The following PLEKHG6 variants were observed in gnomAD, a reference collection of about 807,000 sequenced individuals.
The protein encoded by PLEKHG6 is pleckstrin homology domain-containing family G member 6.
Under a neutral mutation model 97.5 loss-of-function variants are expected in PLEKHG6, and 91 were observed. The observed-to-expected ratio is 0.93, with a 90% CI of 0.79 to 1.11. PLEKHG6 has a LOEUF of 1.11. Ranked by LOEUF, PLEKHG6 falls within the 50% of genes most tolerant of loss-of-function variation. PLEKHG6 has a pLI of 0.00. For missense variants in PLEKHG6, 1,044 were observed against 1,031.0 expected (o/e 1.01, Z -0.17); for synonymous variants, 466 against 425.5 (o/e 1.10, Z -1.17).
Position 6,326,455 on chromosome 12 carries a change from G to A in PLEKHG6, c.1552G>A (p.Glu518Lys), listed in dbSNP as rs968769889. 1.2e-5 allele frequency: 19 copies of A among 1,613,836 alleles called. No homozygotes were observed. Among genetic ancestry groups the A allele is most frequent in the Non-Finnish European group, 1.6e-5 (19 of 1,179,868 alleles). Residue 518 changes from glutamate to lysine, a missense_variant, in exon 14 of 16, where the codon GAG becomes AAG. Transcript: ENST00000684764. The part of the protein sequence containing the change: ...QAALQKLKAE[E>K]YVQQKRELLT... ...CGCCCTACAGAAGCTGAAGGCAGAG[G>A]AGTATGTTCAACAGAAGAGGGAGCT...
At chr12:6,319,437 G>T in intron 13 of PLEKHG6, 1 of 1,146,262 alleles carries the variant, frequency 8.7e-7, no homozygotes, top group South Asian at 1.7e-5. Flanking sequence ...GACAGAGTGA[G>T]ACCCTGAAGA....
In PLEKHG6 at chr12:6,316,173, TA is replaced by T. The variant is rs1367644835; in HGVS notation, c.607-80del. 55 of 1,376,266 alleles carry T rather than the reference TA, an allele frequency of 4.0e-5. No individual in the cohort carries two copies. Among genetic ancestry groups the T allele is most frequent in the Admixed American group, 7.7e-5 (3 of 38,818 alleles). The allele number at this position is 1,376,266 out of a possible 1,614,324, so 85.3% of individuals were successfully genotyped here. A position where few individuals can be genotyped will look rare whatever the true frequency, so the allele number is the denominator to read the frequency against. ...CACCCCCGCCCCTGCTGTCCAAGCT[TA>T]AGGTCCTCACCTTTCCTCAGCCAGT... On this transcript the variant is annotated intron_variant, in intron 6 of 15. Coordinates refer to ENST00000684764, the MANE Select transcript of PLEKHG6 (RefSeq NM_001384598.1). This position sits in a 1 kb window ranked among gnomAD's most constrained non-coding sequence, Gnocchi z 4.1.
intron 13 of PLEKHG6, chr12:6,319,376 A>G (rs1947621609): frequency 4.4e-6 from 3 of 686,928 alleles, no homozygotes; most frequent in Admixed American, 3.0e-5. Flanking sequence ...TGAGCCCGGG[A>G]AGTGGAGGTT....
Position 6,317,964 on chromosome 12 carries a change from G to T in PLEKHG6, c.1125G>T (p.Val375=). The stretch of plus-strand genomic sequence containing the variant: ...CACAACGCATCGGGCCCTACGAGGT[G>T]CTGGAGCCACCCAGTGATGAGGTGG... ...AAAQRIGPYE[V]LEPPSDEVEK... The change falls in exon 10 of 16, where the codon GTG becomes GTT. Residue 375 remains valine (V), a synonymous_variant. Transcript: ENST00000684764. 6.3e-7 allele frequency: 1 copy of T among 1,589,012 alleles called. No homozygotes were observed. Among genetic ancestry groups the T allele is most frequent in the Admixed American group, 1.8e-5 (1 of 55,226 alleles).
rs1186412463 is a variant in PLEKHG6 at position 6,315,292 on chromosome 12, T to C, written c.459+123T>C. The C allele has an allele frequency of 9.8e-7, 1 of 1,022,460 alleles. No individual in the cohort carries two copies. Among genetic ancestry groups the C allele is most frequent in the Non-Finnish European group, 1.4e-6 (1 of 710,888 alleles). 63.3% of individuals were successfully genotyped at this position (1,022,460 alleles called of 1,614,324 possible). On this transcript the variant is annotated intron_variant, in intron 4 of 15. Transcript: ENST00000684764. This position sits in a 1 kb window ranked among gnomAD's most constrained non-coding sequence, Gnocchi z 4.5. ...TGTGGAAAAAACATCTGGAAACGCG[T>C]TGATCTGGGTTCAGATCCCAGCTCT...
At position 6,317,909 on chromosome 12, in the gene PLEKHG6, G is replaced by T. The variant is rs71584814; in HGVS notation, c.1070G>T (p.Gly357Val). ...LRHINGQVRQ[G>V]EEQESLAAAA... ...CACATCAATGGGCAGGTCCGCCAGG[G>T]CGAAGAGCAAGAGAGCTTGGCGGCT... is the stretch of plus-strand genomic sequence containing the variant. The change falls in exon 10 of 16, where the codon GGC becomes GTC. Residue 357 changes from glycine (G) to valine (V), a missense_variant. Coordinates refer to ENST00000684764, the MANE Select transcript of PLEKHG6 (RefSeq NM_001384598.1). The T allele has an allele frequency of 9.4e-4, 1,476 of 1,562,466 alleles. 16 individuals carry two copies. In the Middle Eastern group the frequency reaches 0.014, roughly 15 times the overall value.
At chr12:6,320,045 C>T (rs1346831634) in intron 13 of PLEKHG6, among the ~76,000 whole-genome samples, 2 of 152,108 alleles carry the variant, frequency 1.3e-5, no homozygotes, top group Admixed American at 6.5e-5. Flanking sequence ...CGTGCAAAGG[C>T]GGGAACTGTG....
At chr12:6,322,456 C>G (rs956984424) in intron 13 of PLEKHG6, among the ~76,000 whole-genome samples, 2 of 152,164 alleles carry the variant, frequency 1.3e-5, no homozygotes, top group Non-Finnish European at 2.9e-5. Flanking sequence ...CTGCCCTGTC[C>G]CCTGCTTCCG....
rs200306903 is a variant in PLEKHG6 at position 6,319,053 on chromosome 12, A to T, written c.1469A>T (p.His490Leu). ...TGTGTCTCCAGCGCCCTCCTTGTGC[A>T]CTGTCCCAGTCCTACAGACCGTGCC... ...FQCVSSALLV[H>L]CPSPTDRAQW... is the part of the protein sequence containing the mutation. The change falls in exon 13 of 16, where the codon CAC becomes CTC. Residue 490 changes from histidine (H) to leucine (L), a missense_variant. Physicochemically the swap from His to Leu is moderately conservative, Grantham distance 99. Coordinates refer to ENST00000684764, the MANE Select transcript of PLEKHG6 (RefSeq NM_001384598.1). 1 of 1,613,966 alleles carries T rather than the reference A, an allele frequency of 6.2e-7. No individual in the cohort carries two copies. The highest frequency in any genetic ancestry group is 1.1e-5 in the South Asian group (1 of 91,038).
intron 9 of PLEKHG6, 56 bp from the exon 10 acceptor site, chr12:6,317,801 T>C (rs1947533651): frequency 6.5e-7 from 1 of 1,544,858 alleles, no homozygotes; most frequent in East Asian, 2.4e-5. Flanking sequence ...TGGCTGGCAT[T>C]GGTTGGGAGG....
At position 6,316,678 on chromosome 12, in the gene PLEKHG6, G is replaced by C. The variant is rs1461393408; in HGVS notation, c.756+274G>C. Among the ~76,000 whole-genome samples the C allele has an allele frequency of 2.0e-4, 31 of 152,018 alleles. No individual in the cohort carries two copies. Among genetic ancestry groups the C allele is most frequent in the Non-Finnish European group, 5.9e-5 (4 of 67,992 alleles). ...TTGGCTCCCATCAACTACAAAAGCT[G>C]GGTGCAGCAAATGAGGCCTAAGTGA... On this transcript the variant is annotated intron_variant, in intron 7 of 15. Coordinates refer to ENST00000684764, the MANE Select transcript of PLEKHG6 (RefSeq NM_001384598.1). This position sits in a 1 kb window ranked among gnomAD's most constrained non-coding sequence, Gnocchi z 4.1.
At position 6,322,967 on chromosome 12, in the gene PLEKHG6, C is replaced by T. The variant is rs147160629; in HGVS notation, c.1525-3461C>T. ...GGACAAAAGCGCAAGCTAGTGGCAT[C>T]GGTGTCCCTAGAGCCCCAACTCCCC... On this transcript the variant is annotated intron_variant, in intron 13 of 15. Coordinates refer to ENST00000684764, the MANE Select transcript of PLEKHG6 (RefSeq NM_001384598.1). Among the ~76,000 whole-genome samples, 647 of 152,278 alleles carry T rather than the reference C, an allele frequency of 4.2e-3. 6 individuals carry two copies. Among genetic ancestry groups the T allele is most frequent in the South Asian group, 0.014 (67 of 4,820 alleles).
chr12:6,318,808 G>A lies in PLEKHG6; in HGVS notation c.1339G>A (p.Asp447Asn). 1 of 1,614,190 alleles carries A rather than the reference G, an allele frequency of 6.2e-7. No individual in the cohort carries two copies. The highest frequency in any genetic ancestry group is 1.1e-5 in the South Asian group (1 of 91,086). The change falls in exon 12 of 16, where the codon GAC becomes AAC. Residue 447 changes from aspartate to asparagine, a missense_variant. Physicochemically the swap from Asp to Asn is conservative, Grantham distance 23. Transcript: ENST00000684764. ...TGTGACCAAGCCCCAGCGCAAGGCG[G>A]ACAAAGCCAAGGTCATCCGACCCCC... Reference protein sequence around the residue: ...LLVTKPQRKADKAKVIRPPLM... With the variant: ...LLVTKPQRKANKAKVIRPPLM...
At position 6,326,504 on chromosome 12, in the gene PLEKHG6, A is replaced by G; in HGVS notation, c.1601A>G (p.Asp534Gly). ...RELLTLYRDQ[D>G]RESPSTRPST... ...CTCCTGACCCTCTATCGGGACCAGGACAGGGAGTCCCCCAGCACCAGGCCC... is the reference window on the plus strand; with the variant it reads ...CTCCTGACCCTCTATCGGGACCAGGGCAGGGAGTCCCCCAGCACCAGGCCC... Residue 534 changes from aspartate to glycine, a missense_variant, in exon 14 of 16, where the codon GAC becomes GGC. Coordinates refer to ENST00000684764, the MANE Select transcript of PLEKHG6 (RefSeq NM_001384598.1). The G allele has an allele frequency of 6.2e-7, 1 of 1,603,882 alleles. No homozygotes were observed. The highest frequency in any genetic ancestry group is 1.1e-5 in the South Asian group (1 of 89,742).
intron 13 of PLEKHG6, among the ~76,000 whole-genome samples, chr12:6,321,416 G>A (rs970027796): frequency 1.3e-5 from 2 of 152,188 alleles, no homozygotes; most frequent in Non-Finnish European, 2.9e-5. Flanking sequence ...GTGGGCTGGA[G>A]GAGGGAGAAA....
At chr12:6,310,355 G>A (rs551359805), upstream of PLEKHG6, 15 of 152,668 alleles carry the variant, frequency 9.8e-5, no homozygotes, top group African/African-American at 3.6e-4. Context: ...ACCAGCAGGA[G>A]AGAGGGGTGC....
chr12:6,320,510 C>T (rs573695467), intron 13 of PLEKHG6, among the ~76,000 whole-genome samples: 1 of 152,300 alleles, frequency 6.6e-6, no homozygotes, highest in South Asian at 2.1e-4. Context: ...AAATTCCAAA[C>T]TCTTTCTCTG....
Position 6,327,611 on chromosome 12 carries a change from G to A in PLEKHG6, c.2028G>A (p.Glu676=). 6.3e-7 allele frequency: 1 copy of A among 1,579,250 alleles called. No homozygotes were observed. The highest frequency in any genetic ancestry group is 1.1e-5 in the South Asian group (1 of 87,062). The change falls in exon 15 of 16, where the codon GAG becomes GAA. Residue 676 remains glutamate, a synonymous_variant. Coordinates refer to ENST00000684764, the MANE Select transcript of PLEKHG6 (RefSeq NM_001384598.1). ...TWSEEEDGAS[E]RGNVVVETLH... The stretch of plus-strand genomic sequence containing the variant: ...CTGAGGAAGAAGATGGGGCCTCCGA[G>A]CGAGGGAATGTGGTGGTGGAAACAC...
At chr12:6,312,546 C>T in intron 2 of PLEKHG6, 182 bp downstream of exon 2, 1 of 1,139,246 alleles carries the variant, frequency 8.8e-7, no homozygotes, top group Non-Finnish European at 1.2e-6. Flanking sequence ...AGGGATATCA[C>T]ACCCCAGTCC....
Sources: gnomAD v4.1 joint callset for allele counts (sites outside exome capture counted in the v4.1 genomes callset) on GRCh38, gnomAD v4.1.1 for gene constraint, Gnocchi (gnomAD v3.1) non-coding constraint, MANE v1.5 for transcripts, NCBI Gene and HGNC (gene_info 2026-07-23, HGNC 2026-07-21) for gene names.